RALA: variants seen among roughly 807,000 people sequenced by gnomAD.
RALA encodes the protein ras-related protein Ral-A.
A neutral mutation model predicts 24.0 loss-of-function variants in RALA; 5 were observed. The observed-to-expected ratio is 0.21, with a 90% CI of 0.11 to 0.44. The LOEUF (loss-of-function observed/expected upper bound fraction) is 0.44, where lower values mean the gene tolerates loss of function less well. RALA is among the 20% of genes least tolerant of loss of function. The probability of loss-of-function intolerance (pLI) is 0.99; values close to 1 mark genes in which losing one functional copy is unlikely to be tolerated. For missense variants in RALA, 95 were observed against 241.2 expected (o/e 0.39, Z 4.01); for synonymous variants, 77 against 83.8 (o/e 0.92, Z 0.44).
At chr7:39,683,840 AAC>A (rs71964842) in intron 1 of RALA, among the ~76,000 whole-genome samples, 60,844 of 147,554 alleles carry the variant, frequency 0.41, 12,153 homozygotes, top group South Asian at 0.46. Context: ...TTTTCTTTTG[AAC>A]ACACACACAC....
intron 1 of RALA, among the ~76,000 whole-genome samples, chr7:39,660,713 A>T (rs1283490395): frequency 1.7e-4 from 26 of 152,160 alleles, no homozygotes; most frequent in Admixed American, 1.7e-3. Flanking sequence ...TATATTGGAA[A>T]TTTTTTTACA....
At chr7:39,689,063 A>G (rs992015996) in intron 2 of RALA, among the ~76,000 whole-genome samples, 8 of 152,184 alleles carry the variant, frequency 5.3e-5, no homozygotes, top group African/African-American at 1.9e-4. Flanking sequence ...TGAGAACAGC[A>G]TGAGGGAAAT....
In RALA at chr7:39,686,635, T is replaced by C; in HGVS notation, c.-33T>C. ...TTATTCTTTCATTCTTCTTAGATTC[T>C]TCTTAATCCTTTGGTGAAAACTGAG... is the stretch of plus-strand genomic sequence containing the variant. On this transcript the variant is annotated 5_prime_UTR_variant, in exon 2 of 5. Coordinates refer to ENST00000005257, the MANE Select transcript of RALA (RefSeq NM_005402.4). 6.7e-7 allele frequency: 1 copy of C among 1,498,166 alleles called. No individual in the cohort carries two copies. The highest frequency in any genetic ancestry group is 1.4e-5 in the African/African-American group (1 of 72,570). The allele number at this position is 1,498,166 out of a possible 1,614,324, so 92.8% of individuals were successfully genotyped here.
At chr7:39,693,953 A>G (rs74911354) in intron 3 of RALA, among the ~76,000 whole-genome samples, 9,428 of 152,332 alleles carry the variant, frequency 0.062, 385 homozygotes, top group Non-Finnish European at 0.087. Flanking sequence ...AGAACTTCCT[A>G]TGAGTGTTGA....
At chr7:39,635,451 C>T (rs1027881923) in intron 1 of RALA, among the ~76,000 whole-genome samples, 1 of 152,146 alleles carries the variant, frequency 6.6e-6, no homozygotes, top group Admixed American at 6.5e-5. Flanking sequence ...AATTCCAGAA[C>T]ATTTTCATTA....
intron 1 of RALA, among the ~76,000 whole-genome samples, chr7:39,681,488 C>T (rs1792602886): frequency 6.6e-6 from 1 of 151,564 alleles, no homozygotes; most frequent in South Asian, 2.1e-4. Context: ...CCATTCTTAC[C>T]TCAATTGGTG....
intron 1 of RALA, among the ~76,000 whole-genome samples, chr7:39,630,761 AAG>A (rs1403028222): frequency 6.6e-6 from 1 of 152,156 alleles, no homozygotes. Context: ...TTATTTAAAA[AAG>A]AAAAAAAAAT....
chr7:39,645,268 A>G (rs1011540559), intron 1 of RALA, among the ~76,000 whole-genome samples: 1 of 152,208 alleles, frequency 6.6e-6, no homozygotes, highest in African/African-American at 2.4e-5. Context: ...CTTTTGTTAT[A>G]TTAGTCAATA....
At chr7:39,671,506 G>A (rs114671068) in intron 1 of RALA, among the ~76,000 whole-genome samples, 500 of 152,080 alleles carry the variant, frequency 3.3e-3, no homozygotes, top group African/African-American at 0.011. Context: ...TATTTGTTAC[G>A]CTTTATTGAA....
intron 1 of RALA, among the ~76,000 whole-genome samples, chr7:39,650,240 G>T (rs1019301119): frequency 6.6e-6 from 1 of 152,140 alleles, no homozygotes; most frequent in Non-Finnish European, 1.5e-5. Flanking sequence ...TATAGCAGGG[G>T]TTGGCAAACC....
chr7:39,654,957 C>T (rs762712104), intron 1 of RALA, among the ~76,000 whole-genome samples: 2 of 152,134 alleles, frequency 1.3e-5, no homozygotes, highest in Non-Finnish European at 2.9e-5. Context: ...CTATGTTGCC[C>T]AGGCTGGTCT....
At chr7:39,671,995 A>G (rs569194511) in intron 1 of RALA, among the ~76,000 whole-genome samples, 2 of 152,148 alleles carry the variant, frequency 1.3e-5, no homozygotes, top group East Asian at 3.9e-4. Context: ...ATAATAAATT[A>G]TTAACTAAAT....
chr7:39,675,736 A>G (rs1318222492), intron 1 of RALA, among the ~76,000 whole-genome samples: 1 of 132,506 alleles, frequency 7.5e-6, no homozygotes, highest in Non-Finnish European at 1.7e-5. Context: ...ATGTCTGGGA[A>G]ATTAAAAAAA....
rs1793129301 is a variant in RALA at position 39,706,897 on chromosome 7, GA to G, written c.*653del. 1 of 152,590 alleles carries G rather than the reference GA, an allele frequency of 6.6e-6. No homozygotes were observed. The highest frequency in any genetic ancestry group is 2.4e-5 in the African/African-American group (1 of 41,410). The allele number at this position is 152,590 out of a possible 1,614,324, so 9.5% of individuals were successfully genotyped here. On this transcript the variant is annotated 3_prime_UTR_variant, in exon 5 of 5. Transcript: ENST00000005257. ...ATATCATTCTGGGTGTGTTCTTACT[GA>G]CACCAGGGGTCCGCTGCCCCATGTG...
chr7:39,703,169 G>A (rs980278213), intron 4 of RALA: 12 of 152,188 alleles, frequency 7.9e-5, no homozygotes, highest in African/African-American at 2.4e-4. Context: ...CCTTCATCTA[G>A]TTTCCTTTTC....
chr7:39,630,113 A>G (rs902221319), intron 1 of RALA, among the ~76,000 whole-genome samples: 3 of 151,546 alleles, frequency 2.0e-5, no homozygotes, highest in African/African-American at 7.3e-5. Flanking sequence ...GTGCGATCAC[A>G]GCTCACTGCA....
At chr7:39,690,676 C>T in intron 3 of RALA, 86 bp downstream of exon 3, 4 of 1,045,298 alleles carry the variant, frequency 3.8e-6, no homozygotes, top group Non-Finnish European at 5.5e-6. Context: ...GAGGTTCTAA[C>T]TTGTTAGTCT....
At chr7:39,674,903 A>C (rs1792453157) in intron 1 of RALA, among the ~76,000 whole-genome samples, 1 of 139,708 alleles carries the variant, frequency 7.2e-6, no homozygotes, top group Admixed American at 8.2e-5. Flanking sequence ...AGCTCACTGC[A>C]ACCTCCACCT....
chr7:39,644,200 TG>T lies in RALA; in HGVS notation c.-38+20376del, dbSNP rs780835903. On this transcript the variant is annotated intron_variant, in intron 1 of 4. Transcript: ENST00000005257. ...TTATGGTCTTGCTGGGAAATTCCTA[TG>T]TTTTTTTTTTTTTTAATTTGTATGT... is the stretch of plus-strand genomic sequence containing the variant. 5.0e-3 allele frequency among the ~76,000 whole-genome samples: 743 copies of T among 149,894 alleles called. 2 individuals carry two copies. The highest frequency in any genetic ancestry group is 7.7e-3 in the Non-Finnish European group (518 of 67,636).
Sources: gnomAD v4.1 joint callset for allele counts (sites outside exome capture counted in the v4.1 genomes callset) on GRCh38, gnomAD v4.1.1 for gene constraint, MANE v1.5 for transcripts, NCBI Gene and HGNC (gene_info 2026-07-23, HGNC 2026-07-21) for gene names.